Variants in FANCD2 observed in about 807,000 individuals in gnomAD.
FANCD2 encodes Fanconi anemia group D2 protein.
In FANCD2, 131 loss-of-function variants were observed where a neutral mutation model predicts 192.3. The ratio of observed to expected loss-of-function variants is 0.68; its 90% CI spans 0.59 to 0.79. FANCD2 has a LOEUF of 0.79. Among genes scored for constraint, FANCD2 ranks in the 30% least tolerant of loss-of-function variants. FANCD2 has a pLI of 0.00. For missense variants in FANCD2, 1,508 were observed against 1,701.6 expected, an observed-to-expected ratio of 0.89 and a Z score of 2.00; for synonymous variants, 524 against 612.5, an observed-to-expected ratio of 0.86 and a Z score of 2.13.
intron 17 of FANCD2, among the ~76,000 whole-genome samples, chr3:10,049,832 A>C (rs1470577343): frequency 6.6e-6 from 1 of 152,256 alleles, no homozygotes; most frequent in Non-Finnish European, 1.5e-5. Flanking sequence ...GGGAAGCTGG[A>C]GAATTCTTCA....
At chr3:10,053,904 C>T (rs554208899) in intron 18 of FANCD2, among the ~76,000 whole-genome samples, 2 of 152,216 alleles carry the variant, frequency 1.3e-5, no homozygotes, top group South Asian at 2.1e-4. Flanking sequence ...GTGAACTTCA[C>T]GTGGGCTTGC....
At chr3:10,052,247 C>A in intron 17 of FANCD2, 140 bp from the exon 18 acceptor site, 1 of 673,242 alleles carries the variant, frequency 1.5e-6, no homozygotes, top group Non-Finnish European at 2.7e-6. Flanking sequence ...AGAACTTGAG[C>A]TTTGAGCTTT....
intron 39 of FANCD2, 74 bp downstream of exon 39, chr3:10,093,397 T>A (rs1694767564): frequency 2.4e-6 from 3 of 1,268,814 alleles, no homozygotes; most frequent in Non-Finnish European, 3.5e-6. Context: ...TCAGCTGAGA[T>A]AAATTGCTCA....
intron 18 of FANCD2, among the ~76,000 whole-genome samples, chr3:10,058,707 G>A (rs1203171360): frequency 7.9e-5 from 12 of 152,204 alleles, no homozygotes; most frequent in Admixed American, 5.2e-4. Flanking sequence ...TGGTCTATAC[G>A]TCTGTCCTTC....
intron 5 of FANCD2, 63 bp downstream of exon 5, chr3:10,034,861 G>T: frequency 8.5e-7 from 1 of 1,174,852 alleles, no homozygotes; most frequent in South Asian, 1.3e-5. Flanking sequence ...TCATGGGGCT[G>T]GGGAGGGAGA....
rs2086452951 is a variant in FANCD2 at position 10,026,490 on chromosome 3, A to G, written c.-34+17A>G. 5.9e-6 allele frequency: 3 copies of G among 510,984 alleles called. No individual in the cohort carries two copies. The highest frequency in any genetic ancestry group is 7.6e-6 in the Non-Finnish European group (3 of 393,964). 31.7% of individuals were successfully genotyped at this position (510,984 alleles called of 1,614,324 possible). On this transcript the variant is annotated intron_variant, in intron 1 of 43. Coordinates refer to ENST00000675286, the MANE Select transcript of FANCD2 (RefSeq NM_001018115.3). ...GGCTTCTCGGTGAGTAAGTGGAGCA[A>G]TGGTCGTAGTCTCTCGAGGCCCCGC...
At chr3:10,073,102 A>G in intron 27 of FANCD2, 121 bp downstream of exon 27, 1 of 853,064 alleles carries the variant, frequency 1.2e-6, no homozygotes, top group South Asian at 1.4e-5. Flanking sequence ...CTCTTCCTTT[A>G]TTAGATTTAT....
chr3:10,067,295 A>C lies in FANCD2; in HGVS notation c.2472A>C (p.Ile824=). The C allele has an allele frequency of 6.2e-7, 1 of 1,612,032 alleles. No individual in the cohort carries two copies. The change falls in exon 26 of 44, where the codon ATA becomes ATC. Residue 824 remains isoleucine, a synonymous_variant. Transcript: ENST00000675286. The stretch of plus-strand genomic sequence containing the variant: ...TAAAGCACATTGTAGAATTGCAAAT[A>C]ATCCTGGAAAAGTACTTGGCAGGTA... ...TRLKHIVELQ[I]ILEKYLAVTP... is the part of the protein sequence containing the mutation.
At chr3:10,053,791 G>A (rs1302486268) in intron 18 of FANCD2, among the ~76,000 whole-genome samples, 1 of 152,018 alleles carries the variant, frequency 6.6e-6, no homozygotes, top group Admixed American at 6.6e-5. Context: ...TGTCTGTTAG[G>A]GTAGAGATGG....
intron 26 of FANCD2, among the ~76,000 whole-genome samples, chr3:10,069,698 G>A (rs1000804906): frequency 2.6e-4 from 39 of 152,216 alleles, no homozygotes; most frequent in African/African-American, 8.7e-4. Flanking sequence ...TCCTAACCGC[G>A]AGTGATCCGC....
intron 10 of FANCD2, 92 bp downstream of exon 10, chr3:10,041,802 T>TA: frequency 1.1e-6 from 1 of 895,462 alleles, no homozygotes; most frequent in African/African-American, 1.6e-5. Flanking sequence ...GTAATGAATA[T>TA]TTCATTTTGA....
intron 18 of FANCD2, among the ~76,000 whole-genome samples, chr3:10,057,554 G>A (rs1379259726): frequency 6.6e-6 from 1 of 151,674 alleles, no homozygotes; most frequent in East Asian, 1.9e-4. Context: ...TAGTAGAGAC[G>A]GGGTTTCACC....
chr3:10,033,698 C>CTTTTTTTTTT (rs34115008), intron 3 of FANCD2, among the ~76,000 whole-genome samples: 20 of 89,372 alleles, frequency 2.2e-4, no homozygotes, highest in Non-Finnish European at 3.1e-4. Context: ...AAAGCTAAGT[C>CTTTTTTTTTT]TTTTTTTTTT....
chr3:10,081,463 T>G lies in FANCD2; in HGVS notation c.3223T>G (p.Trp1075Gly). 2 of 1,601,346 alleles carry G rather than the reference T, an allele frequency of 1.2e-6. No individual in the cohort carries two copies. The highest frequency in any genetic ancestry group is 1.7e-6 in the Non-Finnish European group (2 of 1,168,336). The change falls in exon 32 of 44, where the codon TGG becomes GGG. Residue 1075 changes from tryptophan to glycine, a missense_variant and splice_region_variant. Around this residue, in one of 5 missense-constraint regions of FANCD2, gnomAD observed 796 missense variants for 879.4 expected, o/e 0.91. Transcript: ENST00000675286. ...LLQIFHGLFA[W>G]SGFSQPENQN... The stretch of plus-strand genomic sequence containing the variant: ...GCAGATTTTTCATGGGCTTTTTGCT[T>G]GGTAAGTATGTGGGAAGTGTGGAGA...
In FANCD2 at chr3:10,073,256, G is replaced by T. The variant is rs574060125; in HGVS notation, c.2609G>T (p.Arg870Met). The T allele has an allele frequency of 7.0e-5, 113 of 1,612,652 alleles. 1 individual carries two copies. The South Asian group carries it at 1.2e-3, about 17-fold the overall frequency. The change falls in exon 28 of 44, where the codon AGG becomes ATG. Residue 870 changes from arginine to methionine, a missense_variant. This residue lies in a region of FANCD2 where 796 missense variants were observed against 879.4 expected (regional missense o/e 0.91). Coordinates refer to ENST00000675286, the MANE Select transcript of FANCD2 (RefSeq NM_001018115.3). Reference protein sequence around the residue: ...AKIRKKGKIERKQKTDGSKTS... With the variant: ...AKIRKKGKIEMKQKTDGSKTS... Reference sequence around the variant, plus strand: ...TTTTCTCTTTTTAATATAAAAGAAAGGAAACAAAAAACAGATGGCAGCAAG... The same window carrying T: ...TTTTCTCTTTTTAATATAAAAGAAATGAAACAAAAAACAGATGGCAGCAAG...
At chr3:10,066,627 A>G (rs1575796322) in intron 25 of FANCD2, among the ~76,000 whole-genome samples, 1 of 152,256 alleles carries the variant, frequency 6.6e-6, no homozygotes, top group Non-Finnish European at 1.5e-5. Flanking sequence ...AGTAAGTAGC[A>G]GTATAGAACT....
intron 14 of FANCD2, among the ~76,000 whole-genome samples, chr3:10,045,088 G>GTTTTGTTTTTT (rs1553608531): frequency 7.8e-6 from 1 of 128,938 alleles, no homozygotes; most frequent in African/African-American, 3.3e-5. Context: ...CTTTTTAACT[G>GTTTTGTTTTTT]TTTTTTTTTT....
At chr3:10,054,452 T>TGC (rs2087334828) in intron 18 of FANCD2, among the ~76,000 whole-genome samples, 1 of 23,062 alleles carries the variant, frequency 4.3e-5, no homozygotes, top group African/African-American at 1.8e-4. Context: ...TATACATATA[T>TGC]ATATATATAT....
chr3:10,071,451 C>T (rs961888597), intron 26 of FANCD2, among the ~76,000 whole-genome samples: 8 of 152,160 alleles, frequency 5.3e-5, no homozygotes, highest in African/African-American at 1.7e-4. Flanking sequence ...AAGTGTCCAT[C>T]AGCGGGTGAA....
Sources: gnomAD v4.1 joint callset for allele counts (sites outside exome capture counted in the v4.1 genomes callset) on GRCh38, gnomAD v4.1.1 for gene constraint, gnomAD v4.1.1 regional missense constraint, MANE v1.5 for transcripts, NCBI Gene and HGNC (gene_info 2026-07-23, HGNC 2026-07-21) for gene names.